The following CFAP299 variants were observed in gnomAD, a reference collection of about 807,000 sequenced individuals.
CFAP299 encodes cilia- and flagella-associated protein 299.
CFAP299 carries 21 observed loss-of-function variants against 27.0 expected under a neutral mutation model. The ratio of observed to expected loss-of-function variants is 0.78; its 90% CI spans 0.55 to 1.12. The LOEUF is 1.12. Ranked by LOEUF, CFAP299 falls within the 50% of genes most tolerant of loss-of-function variation. CFAP299 has a pLI of 0.00. For missense variants in CFAP299, 310 were observed against 276.6 expected (o/e 1.12, Z -0.86); for synonymous variants, 104 against 98.1 (o/e 1.06, Z -0.36).
At chr4:80,492,512 G>A (rs1731190742) in intron 2 of CFAP299, among the ~76,000 whole-genome samples, 1 of 152,054 alleles carries the variant, frequency 6.6e-6, no homozygotes, top group Non-Finnish European at 1.5e-5. Context: ...TAAAAGCAGA[G>A]TTTTTATGTA....
At chr4:80,467,898 A>G (rs989202969) in intron 2 of CFAP299, among the ~76,000 whole-genome samples, 5 of 152,194 alleles carry the variant, frequency 3.3e-5, no homozygotes, top group African/African-American at 1.2e-4. Context: ...AGGCCCTTAT[A>G]AAACCATCAG....
At chr4:80,827,562 C>T (rs1730052804) in intron 3 of CFAP299, among the ~76,000 whole-genome samples, 1 of 151,796 alleles carries the variant, frequency 6.6e-6, no homozygotes, top group Admixed American at 6.6e-5. Flanking sequence ...AAGTAAACCA[C>T]CAACAACTAA....
chr4:80,963,469 C>T, intron 5 of CFAP299, 48 bp from the exon 6 acceptor site: 2 of 1,305,230 alleles, frequency 1.5e-6, no homozygotes, highest in Non-Finnish European at 2.1e-6. Flanking sequence ...TTAAAAAAGG[C>T]CAAGTATTTT....
At chr4:80,813,031 G>T (rs180810711) in intron 3 of CFAP299, among the ~76,000 whole-genome samples, 1 of 152,070 alleles carries the variant, frequency 6.6e-6, no homozygotes, top group Admixed American at 6.6e-5. Flanking sequence ...GAGAAAAAGC[G>T]CATTGCTTTA....
At chr4:80,902,580 AAT>A (rs372604502) in intron 4 of CFAP299, among the ~76,000 whole-genome samples, 6 of 82,478 alleles carry the variant, frequency 7.3e-5, no homozygotes, top group African/African-American at 1.9e-4. Flanking sequence ...ATATATATGT[AAT>A]ATATACACAC....
At chr4:80,810,515 A>T (rs186610617) in intron 3 of CFAP299, among the ~76,000 whole-genome samples, 237 of 152,208 alleles carry the variant, frequency 1.6e-3, no homozygotes, top group African/African-American at 5.4e-3. Flanking sequence ...ACTTCTAAGA[A>T]GAGGAGAAGA....
chr4:80,584,298 ACATAATTTAATCTC>A (rs1736322316), intron 3 of CFAP299, among the ~76,000 whole-genome samples: 1 of 152,068 alleles, frequency 6.6e-6, no homozygotes, highest in African/African-American at 2.4e-5. Context: ...TAAGACTAGG[ACATAATTTAATCTC>A]CAGAAATGTT....
intron 3 of CFAP299, among the ~76,000 whole-genome samples, chr4:80,587,046 A>T (rs1390456260): frequency 1.3e-5 from 2 of 152,194 alleles, no homozygotes; most frequent in Non-Finnish European, 2.9e-5. Context: ...TATGAAACAT[A>T]AGATTGCGTT....
At chr4:80,603,122 G>A (rs1272402733) in intron 3 of CFAP299, among the ~76,000 whole-genome samples, 2 of 152,054 alleles carry the variant, frequency 1.3e-5, no homozygotes, top group Non-Finnish European at 2.9e-5. Context: ...TTATGGATTT[G>A]ACTAAAAAAG....
intron 3 of CFAP299, among the ~76,000 whole-genome samples, chr4:80,592,519 G>C (rs1736838709): frequency 6.6e-6 from 1 of 152,112 alleles, no homozygotes; most frequent in Admixed American, 6.5e-5. Context: ...AAATTAAATG[G>C]CTATTCTGTC....
intron 2 of CFAP299, among the ~76,000 whole-genome samples, chr4:80,520,020 A>G (rs1291723986): frequency 6.6e-6 from 1 of 152,168 alleles, no homozygotes; most frequent in East Asian, 1.9e-4. Flanking sequence ...GAGGCTTTCT[A>G]CATCTTCCTT....
intron 4 of CFAP299, among the ~76,000 whole-genome samples, chr4:80,916,498 T>A (rs1007666108): frequency 6.6e-6 from 1 of 151,762 alleles, no homozygotes; most frequent in African/African-American, 2.4e-5. Context: ...TGTTTGGTGA[T>A]GTCCAGAGCA....
At chr4:80,689,160 G>C (rs1215911542) in intron 3 of CFAP299, among the ~76,000 whole-genome samples, 1 of 152,080 alleles carries the variant, frequency 6.6e-6, no homozygotes, top group African/African-American at 2.4e-5. Flanking sequence ...TAGCAAGGCA[G>C]GCCAACATTC....
chr4:80,893,205 A>G (rs1734433093), intron 4 of CFAP299, among the ~76,000 whole-genome samples: 1 of 151,666 alleles, frequency 6.6e-6, no homozygotes, highest in Non-Finnish European at 1.5e-5. Flanking sequence ...TACACTGAAA[A>G]TTATGAAACA....
intron 2 of CFAP299, among the ~76,000 whole-genome samples, chr4:80,476,305 T>A (rs756601697): frequency 3.3e-5 from 5 of 152,076 alleles, no homozygotes; most frequent in Non-Finnish European, 7.4e-5. Flanking sequence ...AAAGACAAGG[T>A]TAATTTGTGT....
chr4:80,658,819 T>C (rs1740690167), intron 3 of CFAP299, among the ~76,000 whole-genome samples: 1 of 152,126 alleles, frequency 6.6e-6, no homozygotes, highest in South Asian at 2.1e-4. Flanking sequence ...GAAAAGAAAG[T>C]ACTGAATCTT....
At chr4:80,794,419 G>A (rs1171100712) in intron 3 of CFAP299, among the ~76,000 whole-genome samples, 3 of 152,188 alleles carry the variant, frequency 2.0e-5, no homozygotes, top group African/African-American at 7.2e-5. Flanking sequence ...TGTGAATCCT[G>A]GCTATGGGAG....
At chr4:80,388,352 G>A (rs937635481) in intron 2 of CFAP299, 7 of 682,246 alleles carry the variant, frequency 1.0e-5, no homozygotes, top group East Asian at 2.6e-5. Flanking sequence ...CAGGGGCACT[G>A]TGATGTATGT....
intron 3 of CFAP299, among the ~76,000 whole-genome samples, chr4:80,702,829 C>T (rs780436681): frequency 1.3e-5 from 2 of 151,740 alleles, no homozygotes; most frequent in African/African-American, 4.8e-5. Context: ...CAATTCCAAT[C>T]AAATCTGCGT....
Sources: gnomAD v4.1 joint callset for allele counts (sites outside exome capture counted in the v4.1 genomes callset) on GRCh38, gnomAD v4.1.1 for gene constraint, MANE v1.5 for transcripts, NCBI Gene and HGNC (gene_info 2026-07-23, HGNC 2026-07-21) for gene names.